Variants in HRH3 observed in about 807,000 individuals in gnomAD.
HRH3 encodes the protein histamine H3 receptor.
HRH3 carries 13 observed loss-of-function variants against 21.6 expected under a neutral mutation model. The observed-to-expected ratio is 0.60, with a 90% CI of 0.39 to 0.96. HRH3 has a LOEUF of 0.96. Ranked by LOEUF, HRH3 falls within the 40% of genes least tolerant of loss-of-function variation. The pLI is 0.00. For synonymous variants in HRH3, 276 were observed against 290.3 expected (o/e 0.95, Z 0.50); for missense variants, 461 against 622.7 (o/e 0.74, Z 2.76).
At position 62,219,089 on chromosome 20, in the gene HRH3, C is replaced by A. The variant is rs535389305; in HGVS notation, c.251-432G>T. Among the ~76,000 whole-genome samples, 1 of 152,084 alleles carries A rather than the reference C, an allele frequency of 6.6e-6. No individual in the cohort carries two copies. Among genetic ancestry groups the A allele is most frequent in the South Asian group, 2.1e-4 (1 of 4,806 alleles). On this transcript the variant is annotated intron_variant, in intron 1 of 2. Transcript: ENST00000340177. This position sits in a 1 kb window ranked among gnomAD's most constrained non-coding sequence, Gnocchi z 8.7. ...GGTCTCAGCTTAGACAAGGAGAAAG[C>A]CTTTCTCCTGGCTGAAAGGGCACTT...
rs1038621838 is a variant in HRH3 at position 62,219,200 on chromosome 20, G to T, written c.250+521C>A. ...GAGACGCACCTCACAGCCCCAACAGGTGTCTGGCGCTCCAGCCCCCTCCGC... is the reference window on the plus strand; with the variant it reads ...GAGACGCACCTCACAGCCCCAACAGTTGTCTGGCGCTCCAGCCCCCTCCGC... On this transcript the variant is annotated intron_variant, in intron 1 of 2. Transcript: ENST00000340177. The surrounding 1 kb of genome is among the most constrained non-coding windows in gnomAD (Gnocchi z 8.7). 6.6e-6 allele frequency among the ~76,000 whole-genome samples: 1 copy of T among 152,092 alleles called. No individual in the cohort carries two copies. Among genetic ancestry groups the T allele is most frequent in the Non-Finnish European group, 1.5e-5 (1 of 67,990 alleles).
chr20:62,217,802 T>A (rs1023063025), intron 2 of HRH3, among the ~76,000 whole-genome samples: 1 of 152,120 alleles, frequency 6.6e-6, no homozygotes, highest in Non-Finnish European at 1.5e-5. Context: ...CCATGCCTGG[T>A]GGCTCCAGGA....
Position 62,218,411 on chromosome 20 carries a change from C to A in HRH3, c.417+80G>T. On this transcript the variant is annotated intron_variant, in intron 2 of 2. Transcript: ENST00000340177. The surrounding 1 kb of genome is among the most constrained non-coding windows in gnomAD (Gnocchi z 5.6). ...ACTTCTGCCCACAACTCAGAAGTGG[C>A]CGTCCCCACCCAGGTGCCTCCCATG... 6.8e-7 allele frequency: 1 copy of A among 1,478,178 alleles called. No individual in the cohort carries two copies. Among genetic ancestry groups the A allele is most frequent in the Non-Finnish European group, 9.1e-7 (1 of 1,096,648 alleles). The allele number at this position is 1,478,178 out of a possible 1,614,324, so 91.6% of individuals were successfully genotyped here.
At position 62,216,780 on chromosome 20, in the gene HRH3, G is replaced by A; in HGVS notation, c.564C>T (p.Cys188=). 2 of 1,613,182 alleles carry A rather than the reference G, an allele frequency of 1.2e-6. No individual in the cohort carries two copies. The highest frequency in any genetic ancestry group is 2.2e-5 in the South Asian group (2 of 91,090). The change falls in exon 3 of 3, where the codon TGC becomes TGT. Residue 188 remains cysteine, a synonymous_variant. Coordinates refer to ENST00000340177, the MANE Select transcript of HRH3 (RefSeq NM_007232.3). ...ACCAGTTGTAGAAGAACTCGGCATA[G>A]CAGTGGCCCTCGGGGATGGAGCTGC... The part of the protein sequence containing the change: ...SGGSSIPEGH[C]YAEFFYNWYF...
chr20:62,216,309 G>A lies in HRH3; in HGVS notation c.1035C>T (p.Thr345=), dbSNP rs765759670. The change falls in exon 3 of 3, where the codon ACC becomes ACT. Residue 345 remains threonine (T), a synonymous_variant. Coordinates refer to ENST00000340177, the MANE Select transcript of HRH3 (RefSeq NM_007232.3). ...TGTCCCGAGACAGCCGAAAGCGCTG[G>A]GTGAAGCTCTGGGACACCATCTTCA... The part of the protein sequence containing the change: ...KRMKMVSQSF[T]QRFRLSRDRK... 4.3e-6 allele frequency: 7 copies of A among 1,610,944 alleles called. No homozygotes were observed. The South Asian group carries it at 7.7e-5, about 18-fold the overall frequency.
chr20:62,216,846 C>T lies in HRH3; in HGVS notation c.498G>A (p.Leu166=), dbSNP rs1482201314. ...CCCAGCTCAGGATGGCTGGTCCGTA[C>T]AGCAGGAAGGCCAGCACCCACACCA... ...MLLVWVLAFL[L]YGPAILSWEY... Residue 166 remains leucine (L), a synonymous_variant, in exon 3 of 3, where the codon CTG becomes CTA. Transcript: ENST00000340177. The T allele has an allele frequency of 1.2e-6, 2 of 1,612,680 alleles. No individual in the cohort carries two copies. Among genetic ancestry groups the T allele is most frequent in the Non-Finnish European group, 1.7e-6 (2 of 1,179,976 alleles).
At position 62,218,721 on chromosome 20, in the gene HRH3, C is replaced by T. The variant is rs1228766964; in HGVS notation, c.251-64G>A. On this transcript the variant is annotated intron_variant, in intron 1 of 2. Transcript: ENST00000340177. This position sits in a 1 kb window ranked among gnomAD's most constrained non-coding sequence, Gnocchi z 5.6. Reference sequence around the variant, plus strand: ...GGGCCAGGGGACAGACGGACCTAAGCGCAGACACCGGCGGGACCTGGGGTC... The same window carrying T: ...GGGCCAGGGGACAGACGGACCTAAGTGCAGACACCGGCGGGACCTGGGGTC... 24 of 1,521,336 alleles carry T rather than the reference C, an allele frequency of 1.6e-5. No homozygotes were observed. In the Admixed American group the frequency reaches 3.6e-4, roughly 23 times the overall value. 94.2% of individuals were successfully genotyped at this position (1,521,336 alleles called of 1,614,324 possible). A position where few individuals can be genotyped will look rare whatever the true frequency, so the allele number is the denominator to read the frequency against.
chr20:62,219,655 A>T lies in HRH3; in HGVS notation c.250+66T>A. On this transcript the variant is annotated intron_variant, in intron 1 of 2. Transcript: ENST00000340177. The surrounding 1 kb of genome is among the most constrained non-coding windows in gnomAD (Gnocchi z 8.7). ...CGGGAGCCACCCAGGTCCGTGTTCC[A>T]GTCCCCGCTGGCCCGGCCACGCTGG... 6.5e-7 allele frequency: 1 copy of T among 1,531,748 alleles called. No individual in the cohort carries two copies. 94.9% of individuals were successfully genotyped at this position (1,531,748 alleles called of 1,614,324 possible).
rs1396336274 is a variant in HRH3 at position 62,215,657 on chromosome 20, G to T, written c.*349C>A. ...AAACTGCTAGGGCAGGAAGCCTGGA[G>T]CACACCCAGGTGCTTGCTTTGGGAA... On this transcript the variant is annotated 3_prime_UTR_variant, in exon 3 of 3. Transcript: ENST00000340177. The T allele has an allele frequency of 2.5e-6, 1 of 406,906 alleles. No homozygotes were observed. The highest frequency in any genetic ancestry group is 3.6e-5 in the Admixed American group (1 of 28,150). The allele number at this position is 406,906 out of a possible 1,614,324, so 25.2% of individuals were successfully genotyped here. A position where few individuals can be genotyped will look rare whatever the true frequency, so the allele number is the denominator to read the frequency against.
chr20:62,215,574 G>A lies in HRH3; in HGVS notation c.*432C>T, dbSNP rs199548261. 1 of 422,324 alleles carries A rather than the reference G, an allele frequency of 2.4e-6. No individual in the cohort carries two copies. The highest frequency in any genetic ancestry group is 3.7e-4 in the Middle Eastern group (1 of 2,734). 26.2% of individuals were successfully genotyped at this position (422,324 alleles called of 1,614,324 possible). On this transcript the variant is annotated 3_prime_UTR_variant, in exon 3 of 3. Coordinates refer to ENST00000340177, the MANE Select transcript of HRH3 (RefSeq NM_007232.3). ...AGGCAGTGTCCTGGGCTTGTCCGGG[G>A]AGAGGGACGGTGTGCAGGTGTGTGC...
rs1470245526 is a variant in HRH3 at position 62,216,904 on chromosome 20, C to A, written c.440G>T (p.Gly147Val). The change falls in exon 3 of 3, where the codon GGT becomes GTT. Residue 147 changes from glycine (G) to valine (V), a missense_variant. Coordinates refer to ENST00000340177, the MANE Select transcript of HRH3 (RefSeq NM_007232.3). Reference protein sequence around the residue: ...TRAVSYRAQQGDTRRAVRKML... With the variant: ...TRAVSYRAQQVDTRRAVRKML... ...CTTCCGCACTGCCCGCCGCGTGTCACCCTGCTGGGCCCGGTATGAGACCTG... is the reference window on the plus strand; with the variant it reads ...CTTCCGCACTGCCCGCCGCGTGTCAACCTGCTGGGCCCGGTATGAGACCTG... 2.5e-6 allele frequency: 4 copies of A among 1,605,414 alleles called. No individual in the cohort carries two copies. Among genetic ancestry groups the A allele is most frequent in the Non-Finnish European group, 3.4e-6 (4 of 1,175,128 alleles).
chr20:62,217,206 C>T (rs1483216477), intron 2 of HRH3, among the ~76,000 whole-genome samples: 3 of 152,206 alleles, frequency 2.0e-5, no homozygotes, highest in Non-Finnish European at 4.4e-5. Flanking sequence ...CACCCCCTAC[C>T]AGCTGTGAGC....
chr20:62,219,824 C>T lies in HRH3; in HGVS notation c.147G>A (p.Val49=). 1.3e-6 allele frequency: 2 copies of T among 1,584,940 alleles called. No homozygotes were observed. Among genetic ancestry groups the T allele is most frequent in the Non-Finnish European group, 1.7e-6 (2 of 1,167,838 alleles). Residue 49 remains valine (V), a synonymous_variant, in exon 1 of 3, where the codon GTG becomes GTA. Transcript: ENST00000340177. The surrounding 1 kb of genome is among the most constrained non-coding windows in gnomAD (Gnocchi z 8.7). ...ALMALLIVAT[V]LGNALVMLAF... ...CGAGCATGACCAGCGCGTTGCCCAG[C>T]ACCGTGGCCACGATGAGCAGCGCCA... is the stretch of plus-strand genomic sequence containing the variant.
intron 2 of HRH3, 140 bp from the exon 3 acceptor site, chr20:62,217,066 T>C: frequency 2.4e-6 from 2 of 833,326 alleles, no homozygotes; most frequent in Non-Finnish European, 3.6e-6. Context: ...CCTCCCTCCC[T>C]CTTTCCCCTC....
rs565309714 is a variant in HRH3 at position 62,218,066 on chromosome 20, G to A, written c.417+425C>T. The stretch of plus-strand genomic sequence containing the variant: ...GGCAGGGTCCCTGACTCAGGTGGCC[G>A]CTCCCACAAAGGGAAATCTGCGGAG... On this transcript the variant is annotated intron_variant, in intron 2 of 2. Coordinates refer to ENST00000340177, the MANE Select transcript of HRH3 (RefSeq NM_007232.3). The surrounding 1 kb of genome is among the most constrained non-coding windows in gnomAD (Gnocchi z 5.6). Among the ~76,000 whole-genome samples the A allele has an allele frequency of 3.0e-4, 45 of 152,314 alleles. No individual in the cohort carries two copies. Among genetic ancestry groups the A allele is most frequent in the African/African-American group, 1.0e-3 (42 of 41,570 alleles).
At position 62,215,432 on chromosome 20, in the gene HRH3, A is replaced by G; in HGVS notation, c.*574T>C. 2.2e-6 allele frequency: 1 copy of G among 457,198 alleles called. No homozygotes were observed. The highest frequency in any genetic ancestry group is 4.4e-6 in the Non-Finnish European group (1 of 227,200). The allele number at this position is 457,198 out of a possible 1,614,324, so 28.3% of individuals were successfully genotyped here. A position where few individuals can be genotyped will look rare whatever the true frequency, so the allele number is the denominator to read the frequency against. The stretch of plus-strand genomic sequence containing the variant: ...CTGAAAACACCCAGAATGGAAAAGC[A>G]GAGAACAGCTTCGAGGTTCCTAGGG... On this transcript the variant is annotated 3_prime_UTR_variant, in exon 3 of 3. Transcript: ENST00000340177.
Position 62,218,888 on chromosome 20 carries a change from G to C in HRH3, c.251-231C>G, listed in dbSNP as rs1296179506. 6.6e-6 allele frequency among the ~76,000 whole-genome samples: 1 copy of C among 151,778 alleles called. No homozygotes were observed. The highest frequency in any genetic ancestry group is 1.5e-5 in the Non-Finnish European group (1 of 67,916). On this transcript the variant is annotated intron_variant, in intron 1 of 2. Coordinates refer to ENST00000340177, the MANE Select transcript of HRH3 (RefSeq NM_007232.3). This position sits in a 1 kb window ranked among gnomAD's most constrained non-coding sequence, Gnocchi z 5.6. ...TCTGTGTCCCCTGGGCCTGGGGGCA[G>C]GAGGGATGATCCAGGCATGGGGAAC... is the stretch of plus-strand genomic sequence containing the variant.
In HRH3 at chr20:62,219,014, TCCCCTCCCCCGCTGGACTCCAG is replaced by T. The variant is rs2145889999; in HGVS notation, c.251-379_251-358del. Among the ~76,000 whole-genome samples, 1 of 151,302 alleles carries T rather than the reference TCCCCTCCCCCGCTGGACTCCAG, an allele frequency of 6.6e-6. No individual in the cohort carries two copies. The highest frequency in any genetic ancestry group is 1.5e-5 in the Non-Finnish European group (1 of 67,850). ...AGGAGGAAAGAAGACAATTTCCTTC[TCCCCTCCCCCGCTGGACTCCAG>T]CCCCTACCCTGGCGCTGGACAACCC... is the stretch of plus-strand genomic sequence containing the variant. On this transcript the variant is annotated intron_variant, in intron 1 of 2. Transcript: ENST00000340177. The surrounding 1 kb of genome is among the most constrained non-coding windows in gnomAD (Gnocchi z 8.7).
Position 62,216,405 on chromosome 20 carries a change from G to T in HRH3, c.939C>A (p.Gly313=). 1 of 1,541,292 alleles carries T rather than the reference G, an allele frequency of 6.5e-7. No homozygotes were observed. Residue 313 remains glycine, a synonymous_variant, in exon 3 of 3, where the codon GGC becomes GGA. Coordinates refer to ENST00000340177, the MANE Select transcript of HRH3 (RefSeq NM_007232.3). ...PTSSSGSSSR[G]TERPRSLKRG... is the part of the protein sequence containing the mutation. ...TCTTGAGTGAGCGCGGCCTCTCAGT[G>T]CCCCTCGAGGAGCTGCCGGAGCTGG...
Sources: allele counts gnomAD v4.1 joint callset (sites outside exome capture counted in the v4.1 genomes callset), GRCh38; gene constraint gnomAD v4.1.1; non-coding constraint Gnocchi (gnomAD v3.1); transcripts MANE v1.5; gene names NCBI Gene and HGNC (gene_info 2026-07-23, HGNC 2026-07-21).